SNRNP200: variants seen among roughly 807,000 people sequenced by gnomAD.
The protein encoded by SNRNP200 is U5 small nuclear ribonucleoprotein 200 kDa helicase.
SNRNP200 carries 66 observed loss-of-function variants against 255.2 expected under a neutral mutation model. That is an observed-to-expected ratio of 0.26 (90% confidence interval 0.21 to 0.32). The LOEUF is 0.32. Ranked by LOEUF, SNRNP200 falls within the 10% of genes least tolerant of loss-of-function variation. The pLI, the probability that SNRNP200 is intolerant of heterozygous loss-of-function variation, is 1.00. For synonymous variants in SNRNP200, 939 were observed against 1,027.8 expected, an observed-to-expected ratio of 0.91 and a Z score of 1.65; for missense variants, 1,585 against 2,749.8, an observed-to-expected ratio of 0.58 and a Z score of 9.47.
intron 43 of SNRNP200, chr2:96,276,438 T>TC: frequency 6.0e-6 from 1 of 167,846 alleles, no homozygotes; most frequent in Non-Finnish European, 1.3e-5. Flanking sequence ...TTTTTTTTTT[T>TC]TTTGAGATGA....
chr2:96,305,002 T>C, intron 1 of SNRNP200, 134 bp from the exon 2 acceptor site: 1 of 1,068,822 alleles, frequency 9.4e-7, no homozygotes, highest in Non-Finnish European at 1.4e-6. Context: ...AAATATATTT[T>C]CCTTAAGAAT....
At chr2:96,288,980 GATT>G in intron 23 of SNRNP200, 54 bp downstream of exon 23, 1 of 1,481,508 alleles carries the variant, frequency 6.7e-7, no homozygotes. Context: ...TCTTTTAGAA[GATT>G]ATGAAAACCA....
rs752802734 is a variant in SNRNP200 at position 96,286,268 on chromosome 2, C to T, written c.4003+43G>A. 9.4e-6 allele frequency: 15 copies of T among 1,598,812 alleles called. No homozygotes were observed. The highest frequency in any genetic ancestry group is 1.7e-5 in the Admixed American group (1 of 59,962). On this transcript the variant is annotated intron_variant, in intron 29 of 44. Transcript: ENST00000323853. The surrounding 1 kb of genome is among the most constrained non-coding windows in gnomAD (Gnocchi z 4.8). The stretch of plus-strand genomic sequence containing the variant: ...CCTGCCACAGAGCACATCTGTCTCC[C>T]GGTGACTTCAAAAGCCTCCAGAGGA...
intron 12 of SNRNP200, 26 bp from the exon 13 acceptor site, chr2:96,296,717 C>T (rs770491534): frequency 6.2e-6 from 10 of 1,613,480 alleles, no homozygotes; most frequent in Middle Eastern, 1.6e-4. Context: ...GGGATGAGAA[C>T]GCCTATTCAC....
Position 96,278,045 on chromosome 2 carries a change from C to T in SNRNP200, c.5611-95G>A. On this transcript the variant is annotated intron_variant, in intron 39 of 44. Transcript: ENST00000323853. The surrounding 1 kb of genome is among the most constrained non-coding windows in gnomAD (Gnocchi z 6.9). ...ACCACGTGGCCCAGGCTCACACAGC[C>T]CTTCAACACCCTGAGGCATGTGGGT... 6.4e-7 allele frequency: 1 copy of T among 1,567,726 alleles called. No homozygotes were observed. Among genetic ancestry groups the T allele is most frequent in the African/African-American group, 1.4e-5 (1 of 73,986 alleles).
At chr2:96,297,341 C>T (rs764141313) in intron 11 of SNRNP200, 22 bp downstream of exon 11, 28 of 1,612,366 alleles carry the variant, frequency 1.7e-5, no homozygotes, top group Middle Eastern at 2.0e-4. Flanking sequence ...GAGCAGAGAA[C>T]TGAAGAAAGC....
Position 96,290,008 on chromosome 2 carries a change from A to G in SNRNP200, c.2743-12T>C. The G allele has an allele frequency of 6.2e-7, 1 of 1,613,696 alleles. No individual in the cohort carries two copies. Among genetic ancestry groups the G allele is most frequent in the Non-Finnish European group, 8.5e-7 (1 of 1,179,578 alleles). On this transcript the variant is annotated splice_polypyrimidine_tract_variant and intron_variant, in intron 20 of 44. Coordinates refer to ENST00000323853, the MANE Select transcript of SNRNP200 (RefSeq NM_014014.5). The surrounding 1 kb of genome is among the most constrained non-coding windows in gnomAD (Gnocchi z 4.5). ...CAGTTCACCGCATCCTACAAGACAC[A>G]GCTCATGGTTCTTAGCATGGAGAAA...
chr2:96,281,889 A>G lies in SNRNP200; in HGVS notation c.4949T>C (p.Leu1650Pro). The G allele has an allele frequency of 1.2e-6, 2 of 1,614,126 alleles. No homozygotes were observed. The highest frequency in any genetic ancestry group is 1.7e-6 in the Non-Finnish European group (2 of 1,180,006). ...AIQVVVASRS[L>P]CWGMNVAAHL... ...GGCAGCCACGTTCATGCCCCAGCAG[A>G]GACTCCGAGAAGCCACCACCACCTG... Residue 1650 changes from leucine to proline, a missense_variant, in exon 35 of 45, where the codon CTC (leucine) becomes CCC (proline). Around this residue, in one of 9 missense-constraint regions of SNRNP200, gnomAD observed 719 missense variants for 1,091.1 expected, o/e 0.66. Coordinates refer to ENST00000323853, the MANE Select transcript of SNRNP200 (RefSeq NM_014014.5).
At chr2:96,305,286 C>A in intron 1 of SNRNP200, 107 bp downstream of exon 1, 1 of 1,409,530 alleles carries the variant, frequency 7.1e-7, no homozygotes, top group Non-Finnish European at 1.0e-6. Context: ...ATTTCCCCTT[C>A]GTTTTCGTGG....
At chr2:96,303,396 G>A in intron 2 of SNRNP200, 66 bp from the exon 3 acceptor site, 2 of 1,576,672 alleles carry the variant, frequency 1.3e-6, no homozygotes, top group Non-Finnish European at 1.7e-6. Context: ...ACTGGATCAA[G>A]CCCACCCTCC....
intron 43 of SNRNP200, chr2:96,276,539 A>G: frequency 3.0e-6 from 1 of 334,018 alleles, no homozygotes; most frequent in South Asian, 2.4e-5. Context: ...CTCCTGACTC[A>G]ACCTCCTGAG....
chr2:96,281,660 C>T, intron 35 of SNRNP200, 154 bp downstream of exon 35: 2 of 688,454 alleles, frequency 2.9e-6, no homozygotes, highest in Admixed American at 2.0e-5. Flanking sequence ...GGTATTGAGA[C>T]ACAAAACTCT....
At chr2:96,295,352 C>T in intron 14 of SNRNP200, 136 bp downstream of exon 14, 3 of 1,464,612 alleles carry the variant, frequency 2.0e-6, no homozygotes, top group Non-Finnish European at 2.9e-6. Context: ...GGATCTCATC[C>T]TACGGAATTG....
chr2:96,287,404 G>A lies in SNRNP200; in HGVS notation c.3484+35C>T, dbSNP rs565953530. 6.8e-7 allele frequency: 1 copy of A among 1,462,868 alleles called. No individual in the cohort carries two copies. The highest frequency in any genetic ancestry group is 1.7e-5 in the Admixed American group (1 of 59,842). 90.6% of individuals were successfully genotyped at this position (1,462,868 alleles called of 1,614,324 possible). On this transcript the variant is annotated intron_variant, in intron 26 of 44. Coordinates refer to ENST00000323853, the MANE Select transcript of SNRNP200 (RefSeq NM_014014.5). This position sits in a 1 kb window ranked among gnomAD's most constrained non-coding sequence, Gnocchi z 5.7. ...ATAGGCAAACTGGGAGAGACACCCA[G>A]GCAGTGAGGACAAGGGCGAGAGCAT...
Position 96,298,815 on chromosome 2 carries a change from C to T in SNRNP200, c.882G>A (p.Lys294=), listed in dbSNP as rs1224560706. The change falls in exon 7 of 45, where the codon AAG becomes AAA. Residue 294 remains lysine, a splice_region_variant and synonymous_variant. Transcript: ENST00000323853. ...ACAACTATTGTCATCTTGGCCATAC[C>T]TTCAAAATCTCCAATACTTCATCTG... ...KKADEVLEIL[K]TASDDRECEN... The T allele has an allele frequency of 6.2e-7, 1 of 1,614,038 alleles. No homozygotes were observed. Among genetic ancestry groups the T allele is most frequent in the African/African-American group, 1.3e-5 (1 of 74,916 alleles).
chr2:96,297,480 G>A lies in SNRNP200; in HGVS notation c.1260C>T (p.Ser420=), dbSNP rs2104357760. 1 of 1,614,164 alleles carries A rather than the reference G, an allele frequency of 6.2e-7. No individual in the cohort carries two copies. Among genetic ancestry groups the A allele is most frequent in the South Asian group, 1.1e-5 (1 of 91,068 alleles). The change falls in exon 11 of 45, where the codon AGC becomes AGT. Residue 420 remains serine, a synonymous_variant. Transcript: ENST00000323853. ...DLEDLVFTQG[S]HFMANKRCQL... is the part of the protein sequence containing the mutation. ...GACAGCGTTTATTGGCCATAAAGTG[G>A]CTCCCTTGGGTAAAAACCAGGTCCT...
Position 96,277,410 on chromosome 2 carries a change from G to A in SNRNP200, c.5931+129C>T. On this transcript the variant is annotated intron_variant, in intron 41 of 44. Coordinates refer to ENST00000323853, the MANE Select transcript of SNRNP200 (RefSeq NM_014014.5). This position sits in a 1 kb window ranked among gnomAD's most constrained non-coding sequence, Gnocchi z 4.4. ...GGCAGGCTCTCTAGCATCTCAACAG[G>A]GAGCACCTTCGGAGGAACCATAACT... The A allele has an allele frequency of 7.6e-7, 1 of 1,309,000 alleles. No homozygotes were observed. The highest frequency in any genetic ancestry group is 1.1e-6 in the Non-Finnish European group (1 of 914,228). The allele number at this position is 1,309,000 out of a possible 1,614,324, so 81.1% of individuals were successfully genotyped here.
Position 96,277,279 on chromosome 2 carries a change from C to T in SNRNP200, c.5932-38G>A, listed in dbSNP as rs373194802. On this transcript the variant is annotated intron_variant, in intron 41 of 44. Transcript: ENST00000323853. This position sits in a 1 kb window ranked among gnomAD's most constrained non-coding sequence, Gnocchi z 4.4. ...TTCAGACGTCAGGAAAGAGAGAACA[C>T]GGGCCAACAGCAAATGACACAGGCA... 22 of 1,609,728 alleles carry T rather than the reference C, an allele frequency of 1.4e-5. No homozygotes were observed. Among genetic ancestry groups the T allele is most frequent in the Admixed American group, 6.7e-5 (4 of 60,004 alleles).
Position 96,298,659 on chromosome 2 carries a change from A to G in SNRNP200, c.926T>C (p.Leu309Pro). 1 of 1,614,234 alleles carries G rather than the reference A, an allele frequency of 6.2e-7. No homozygotes were observed. The highest frequency in any genetic ancestry group is 8.5e-7 in the Non-Finnish European group (1 of 1,180,050). The change falls in exon 8 of 45, where the codon CTG (leucine) becomes CCG (proline). Residue 309 changes from leucine (L) to proline (P), a missense_variant. Physicochemically the swap from Leu to Pro is moderately conservative, Grantham distance 98. Coordinates refer to ENST00000323853, the MANE Select transcript of SNRNP200 (RefSeq NM_014014.5). ...DRECENQLVL[L>P]LGFNTFDFIK... Reference sequence around the variant, plus strand: ...GAAATCAAAGGTGTTGAAACCAAGCAGCAGAACCAGCTGATTTTCACATTC... The same window carrying G: ...GAAATCAAAGGTGTTGAAACCAAGCGGCAGAACCAGCTGATTTTCACATTC...
Sources: gnomAD v4.1 joint callset for allele counts on GRCh38, gnomAD v4.1.1 for gene constraint, gnomAD v4.1.1 regional missense constraint, Gnocchi (gnomAD v3.1) non-coding constraint, MANE v1.5 for transcripts, NCBI Gene and HGNC (gene_info 2026-07-23, HGNC 2026-07-21) for gene names.